The following TMEM178B variants were observed in gnomAD, a reference collection of about 807,000 sequenced individuals.
TMEM178B encodes transmembrane protein 178B.
A neutral mutation model predicts 31.0 loss-of-function variants in TMEM178B; 5 were observed. The ratio of observed to expected loss-of-function variants is 0.16; its 90% CI spans 0.08 to 0.34. The LOEUF (loss-of-function observed/expected upper bound fraction) is 0.34. TMEM178B is among the 10% of genes least tolerant of loss of function. TMEM178B has a pLI of 1.00. For missense variants in TMEM178B, 275 were observed against 400.3 expected, an observed-to-expected ratio of 0.69 and a Z score of 2.67; for synonymous variants, 164 against 164.0, an observed-to-expected ratio of 1.00 and a Z score of 0.00.
chr7:141,256,453 G>C (rs376774460), intron 2 of TMEM178B, among the ~76,000 whole-genome samples: 3 of 152,302 alleles, frequency 2.0e-5, no homozygotes, highest in Middle Eastern at 3.4e-3. Flanking sequence ...TACTTGGAAT[G>C]TATAGTAACT....
intron 1 of TMEM178B, among the ~76,000 whole-genome samples, chr7:141,089,331 G>A (rs555607275): frequency 3.3e-5 from 5 of 152,310 alleles, no homozygotes; most frequent in African/African-American, 1.2e-4. Context: ...GGCCGAGATG[G>A]GGAGGAGGCT....
At chr7:141,087,755 A>G (rs1794811885) in intron 1 of TMEM178B, among the ~76,000 whole-genome samples, 1 of 152,250 alleles carries the variant, frequency 6.6e-6, no homozygotes, top group Non-Finnish European at 1.5e-5. Flanking sequence ...TCTGAAGATT[A>G]TGAAGGTGGC....
intron 2 of TMEM178B, among the ~76,000 whole-genome samples, chr7:141,386,097 G>C (rs1294602829): frequency 6.6e-6 from 1 of 152,200 alleles, no homozygotes; most frequent in Admixed American, 6.5e-5. Flanking sequence ...TGGGCCTTAT[G>C]AGCAGGTGGC....
intron 2 of TMEM178B, among the ~76,000 whole-genome samples, chr7:141,279,847 A>G (rs1011182158): frequency 1.3e-5 from 2 of 152,246 alleles, no homozygotes; most frequent in Non-Finnish European, 2.9e-5. Context: ...GCATACCTCC[A>G]TGATTCCCAA....
At chr7:141,228,751 G>T (rs1797386903) in intron 2 of TMEM178B, among the ~76,000 whole-genome samples, 1 of 152,148 alleles carries the variant, frequency 6.6e-6, no homozygotes, top group Non-Finnish European at 1.5e-5. Flanking sequence ...TCCCCGGCTT[G>T]TATCATTTTC....
the TMEM178B span, among the ~76,000 whole-genome samples, chr7:141,492,982 T>C: frequency 6.6e-6 from 1 of 152,216 alleles, no homozygotes; most frequent in African/African-American, 2.4e-5. Context: ...TGTGTGTGTG[T>C]TGCAGTTGTA....
chr7:141,332,454 C>T (rs1399380920), intron 2 of TMEM178B, among the ~76,000 whole-genome samples: 1 of 152,218 alleles, frequency 6.6e-6, no homozygotes, highest in Non-Finnish European at 1.5e-5. Flanking sequence ...GCAGCCAACA[C>T]GATTTCTGCA....
intron 1 of TMEM178B, among the ~76,000 whole-genome samples, chr7:141,172,748 G>T (rs1235006290): frequency 3.9e-5 from 6 of 152,312 alleles, no homozygotes. Flanking sequence ...GATGGTAAAG[G>T]TGTAGTACTT....
Position 141,344,290 on chromosome 7 carries a change from G to A in TMEM178B, c.497-93318G>A, listed in dbSNP as rs1265710648. Among the ~76,000 whole-genome samples the A allele has an allele frequency of 6.6e-6, 1 of 152,178 alleles. No homozygotes were observed. The highest frequency in any genetic ancestry group is 2.4e-5 in the African/African-American group (1 of 41,454). On this transcript the variant is annotated intron_variant, in intron 2 of 3. Transcript: ENST00000565468. The surrounding 1 kb of genome is among the most constrained non-coding windows in gnomAD (Gnocchi z 4.1). Reference sequence around the variant, plus strand: ...GAACAGTGAGGATTAGAGTGATTGAGTAACTGGTCCTTAGCCACAGAGTTC... The same window carrying A: ...GAACAGTGAGGATTAGAGTGATTGAATAACTGGTCCTTAGCCACAGAGTTC...
intron 2 of TMEM178B, among the ~76,000 whole-genome samples, chr7:141,412,880 G>A (rs985869237): frequency 3.9e-5 from 6 of 152,192 alleles, no homozygotes; most frequent in South Asian, 2.1e-4. Flanking sequence ...GCCAATGTTC[G>A]TACCCAGCAG....
chr7:141,436,318 C>T (rs1422568606), intron 2 of TMEM178B, among the ~76,000 whole-genome samples: 1 of 151,798 alleles, frequency 6.6e-6, no homozygotes, highest in Admixed American at 6.6e-5. Context: ...GGTGTGCTTG[C>T]ACGGGGTGTG....
chr7:141,228,375 A>T (rs188145754), intron 2 of TMEM178B, among the ~76,000 whole-genome samples: 3 of 152,168 alleles, frequency 2.0e-5, no homozygotes, highest in Admixed American at 2.0e-4. Flanking sequence ...GATTTAAGAT[A>T]GACTTTCTTC....
chr7:141,077,970 T>G (rs1473310421), intron 1 of TMEM178B, among the ~76,000 whole-genome samples: 1 of 152,214 alleles, frequency 6.6e-6, no homozygotes, highest in Non-Finnish European at 1.5e-5. Context: ...GGACATTATT[T>G]TTTATGATGG....
chr7:141,484,424 C>T (rs1162000175), downstream of TMEM178B, among the ~76,000 whole-genome samples: 6 of 152,184 alleles, frequency 3.9e-5, no homozygotes, highest in Middle Eastern at 3.2e-3. This position sits in a 1 kb window ranked among gnomAD's most constrained non-coding sequence, Gnocchi z 4.8. Flanking sequence ...TTAGGTCCAA[C>T]CTCAGATCTA....
intron 1 of TMEM178B, among the ~76,000 whole-genome samples, chr7:141,135,478 G>A (rs1795661132): frequency 6.6e-6 from 1 of 152,082 alleles, no homozygotes; most frequent in South Asian, 2.1e-4. Context: ...CTGTATTTTA[G>A]GCCACAAACC....
intron 1 of TMEM178B, among the ~76,000 whole-genome samples, chr7:141,199,657 G>A (rs1029015621): frequency 6.6e-6 from 1 of 152,054 alleles, no homozygotes; most frequent in East Asian, 1.9e-4. Context: ...TGCCATCATA[G>A]GTCACTTTAA....
At chr7:141,173,112 G>C (rs1173796596) in intron 1 of TMEM178B, 1 of 152,162 alleles carries the variant, frequency 6.6e-6, no homozygotes, top group Admixed American at 6.5e-5. Flanking sequence ...TGGGGTCTGA[G>C]TCTATATACC....
chr7:141,204,356 C>T (rs1796928758), intron 1 of TMEM178B, among the ~76,000 whole-genome samples: 1 of 152,190 alleles, frequency 6.6e-6, no homozygotes, highest in African/African-American at 2.4e-5. Flanking sequence ...CCCCTGTCAC[C>T]CCCTTAGTTG....
intron 1 of TMEM178B, among the ~76,000 whole-genome samples, chr7:141,110,646 G>A (rs1327809327): frequency 6.6e-6 from 1 of 152,164 alleles, no homozygotes; most frequent in Non-Finnish European, 1.5e-5. Context: ...AATCTTGACT[G>A]AGCGAGTAAC....
Sources: allele counts gnomAD v4.1 joint callset (sites outside exome capture counted in the v4.1 genomes callset), GRCh38; gene constraint gnomAD v4.1.1; non-coding constraint Gnocchi (gnomAD v3.1); transcripts MANE v1.5; gene names NCBI Gene and HGNC (gene_info 2026-07-23, HGNC 2026-07-21).